Variants in BAIAP2 observed in about 807,000 individuals in gnomAD.
BAIAP2 encodes the protein BAR/IMD domain-containing adapter protein 2.
A neutral mutation model predicts 63.0 loss-of-function variants in BAIAP2; 18 were observed. The observed-to-expected ratio is 0.29, with a 90% CI of 0.20 to 0.42. BAIAP2 has a LOEUF of 0.42. BAIAP2 is among the 10% of genes least tolerant of loss of function. The pLI, the probability that BAIAP2 is intolerant of heterozygous loss-of-function variation, is 1.00. For missense variants in BAIAP2, 610 were observed against 734.3 expected, an observed-to-expected ratio of 0.83 and a Z score of 1.96; for synonymous variants, 386 against 307.6, an observed-to-expected ratio of 1.25 and a Z score of -2.67.
intron 3 of BAIAP2, among the ~76,000 whole-genome samples, chr17:81,075,747 C>G (rs1341606856): frequency 6.6e-6 from 1 of 152,212 alleles, no homozygotes; most frequent in Non-Finnish European, 1.5e-5. Flanking sequence ...ACTTAGAACA[C>G]TATGGCAGCC....
chr17:81,116,366 G>A lies in BAIAP2; in HGVS notation c.*527G>A. 1 of 1,598,306 alleles carries A rather than the reference G, an allele frequency of 6.3e-7. No homozygotes were observed. Among genetic ancestry groups the A allele is most frequent in the Non-Finnish European group, 8.5e-7 (1 of 1,171,178 alleles). ...CAGCTACACCTGGAGTGTGGGGCCTGGTCCCTCCCCATGCCCCTCGGTGGG... is the reference window on the plus strand; with the variant it reads ...CAGCTACACCTGGAGTGTGGGGCCTAGTCCCTCCCCATGCCCCTCGGTGGG... On this transcript the variant is annotated 3_prime_UTR_variant, in exon 14 of 14. Transcript: ENST00000428708.
intron 1 of BAIAP2, among the ~76,000 whole-genome samples, chr17:81,049,255 C>A (rs774893068): frequency 1.1e-4 from 16 of 152,138 alleles, no homozygotes; most frequent in Non-Finnish European, 2.2e-4. Context: ...GAACGTGGGC[C>A]CCTGGGGAGC....
At position 81,078,678 on chromosome 17, in the gene BAIAP2, G is replaced by A. The variant is rs552284181; in HGVS notation, c.218-6154G>A. Among the ~76,000 whole-genome samples the A allele has an allele frequency of 1.5e-4, 23 of 152,036 alleles. No homozygotes were observed. In the East Asian group the frequency reaches 3.1e-3, roughly 20 times the overall value. ...GTGCTGTGGGTGCGGGTGCTGTCTC[G>A]GGTGGGAGCTGGGCGTGTTTGCGGC... On this transcript the variant is annotated intron_variant, in intron 3 of 13. Transcript: ENST00000428708.
intron 1 of BAIAP2, among the ~76,000 whole-genome samples, chr17:81,049,976 GAGACGCCTGACC>G (rs771511411): frequency 6.6e-6 from 1 of 152,246 alleles, no homozygotes; most frequent in Admixed American, 6.5e-5. Context: ...GAGGCTCAGA[GAGACGCCTGACC>G]AGACGCCTGA....
chr17:81,094,201 T>G (rs1263397128), intron 6 of BAIAP2, among the ~76,000 whole-genome samples: 5 of 152,150 alleles, frequency 3.3e-5, no homozygotes, highest in African/African-American at 1.2e-4. Context: ...GCCAACCCTT[T>G]GCTGGCTCTT....
intron 1 of BAIAP2, among the ~76,000 whole-genome samples, chr17:81,040,534 G>A (rs1238518454): frequency 6.6e-6 from 1 of 152,282 alleles, no homozygotes; most frequent in Non-Finnish European, 1.5e-5. Context: ...GCAAGGGCTT[G>A]ATCTGTCCTG....
chr17:81,103,604 A>G lies in BAIAP2; in HGVS notation c.745A>G (p.Ser249Gly). 1 of 1,605,292 alleles carries G rather than the reference A, an allele frequency of 6.2e-7. No individual in the cohort carries two copies. The highest frequency in any genetic ancestry group is 2.2e-5 in the East Asian group (1 of 44,836). ...GGTGCAGCTCATGCAGCAGGTGGCC[A>G]GCAACGGCGCCACCCTCCCCAGCGC... is the stretch of plus-strand genomic sequence containing the variant. ...RAVQLMQQVASNGATLPSALS... is the reference protein window; with the variant it reads ...RAVQLMQQVAGNGATLPSALS... The change falls in exon 8 of 14, where the codon AGC (serine) becomes GGC (glycine). Residue 249 changes from serine to glycine, a missense_variant. Ser to Gly is a moderately conservative substitution (Grantham distance 56). Around this residue, in one of 5 missense-constraint regions of BAIAP2, gnomAD observed 389 missense variants for 455.6 expected, o/e 0.85. Coordinates refer to ENST00000428708, the MANE Select transcript of BAIAP2 (RefSeq NM_001144888.2).
chr17:81,078,684 G>C (rs1306893925), intron 3 of BAIAP2, among the ~76,000 whole-genome samples: 1 of 151,928 alleles, frequency 6.6e-6, no homozygotes, highest in Non-Finnish European at 1.5e-5. Context: ...TCTCGGGTGG[G>C]AGCTGGGCGT....
At position 81,085,424 on chromosome 17, in the gene BAIAP2, T is replaced by G. The variant is rs1481330844; in HGVS notation, c.280-230T>G. ...GCCGTTTGTTTCCCTTGTGGCTGTT[T>G]GGAGGCGAGATTGTCCGACGTTCCA... On this transcript the variant is annotated intron_variant, in intron 4 of 13. Coordinates refer to ENST00000428708, the MANE Select transcript of BAIAP2 (RefSeq NM_001144888.2). The G allele has an allele frequency of 5.9e-6, 4 of 674,150 alleles. 1 individual carries two copies. The highest frequency in any genetic ancestry group is 1.8e-5 in the African/African-American group (1 of 56,660). The allele number at this position is 674,150 out of a possible 1,614,324, so 41.8% of individuals were successfully genotyped here. A position where few individuals can be genotyped will look rare whatever the true frequency, so the allele number is the denominator to read the frequency against.
chr17:81,103,431 C>G (rs978471733), intron 7 of BAIAP2, 71 bp from the exon 8 acceptor site: 4 of 1,425,854 alleles, frequency 2.8e-6, no homozygotes, highest in Non-Finnish European at 3.8e-6. Context: ...AGGGAGGGCC[C>G]TCAGCGCTGT....
intron 13 of BAIAP2, chr17:81,109,988 C>T (rs542048778): frequency 4.4e-4 from 434 of 985,460 alleles, no homozygotes; most frequent in African/African-American, 4.7e-4. Context: ...TCTTCCTAAA[C>T]GCTCTCGTCT....
At chr17:81,095,894 A>G (rs1171265205) in intron 6 of BAIAP2, among the ~76,000 whole-genome samples, 1 of 152,156 alleles carries the variant, frequency 6.6e-6, no homozygotes, top group Admixed American at 6.5e-5. Context: ...TACCCTGCTA[A>G]TGAGGCCAGT....
At chr17:81,067,903 G>A (rs1226533271) in intron 3 of BAIAP2, among the ~76,000 whole-genome samples, 1 of 152,242 alleles carries the variant, frequency 6.6e-6, no homozygotes, top group Admixed American at 6.5e-5. Context: ...TGCTCCCTAG[G>A]GAGGGAAAGA....
chr17:81,054,146 CGTG>C (rs2049092113), intron 2 of BAIAP2, among the ~76,000 whole-genome samples: 1 of 57,128 alleles, frequency 1.8e-5, no homozygotes, highest in Non-Finnish European at 3.3e-5. Flanking sequence ...GCCCGGACCC[CGTG>C]GGGTGGGAGC....
rs747439747 is a variant in BAIAP2, at chr17:81,116,332, C to G, written c.*493C>G. 1.4e-5 allele frequency: 23 copies of G among 1,611,830 alleles called. No individual in the cohort carries two copies. The South Asian group carries it at 2.1e-4, about 15-fold the overall frequency. On this transcript the variant is annotated 3_prime_UTR_variant, in exon 14 of 14. Coordinates refer to ENST00000428708, the MANE Select transcript of BAIAP2 (RefSeq NM_001144888.2). ...CTTCCCGTAAGCACGTAATTCCCTGCAGGTCCGGCAGCTACACCTGGAGTG... is the reference window on the plus strand; with the variant it reads ...CTTCCCGTAAGCACGTAATTCCCTGGAGGTCCGGCAGCTACACCTGGAGTG...
chr17:81,104,938 G>GC lies in BAIAP2; in HGVS notation c.1268+224dup, dbSNP rs2058944460. The GC allele has an allele frequency of 5.5e-6, 3 of 543,454 alleles. No homozygotes were observed. In the African/African-American group the frequency reaches 5.7e-5, roughly 10 times the overall value. The allele number at this position is 543,454 out of a possible 1,614,324, so 33.7% of individuals were successfully genotyped here. A position where few individuals can be genotyped will look rare whatever the true frequency, so the allele number is the denominator to read the frequency against. ...GGGTCTTCGCCCCAACCACCTCCCT[G>GC]CAGGGGTCTTCCCCTACAGGAGGGA... is the stretch of plus-strand genomic sequence containing the variant. On this transcript the variant is annotated intron_variant, in intron 10 of 13. Transcript: ENST00000428708.
chr17:81,094,334 C>A (rs578257920), intron 6 of BAIAP2, among the ~76,000 whole-genome samples: 10 of 152,298 alleles, frequency 6.6e-5, no homozygotes, highest in Admixed American at 2.0e-4. Context: ...CATCCCAATA[C>A]CAAGCTGTGG....
At chr17:81,078,923 A>G (rs1235534377) in intron 3 of BAIAP2, among the ~76,000 whole-genome samples, 4 of 151,974 alleles carry the variant, frequency 2.6e-5, no homozygotes, top group African/African-American at 9.6e-5. Context: ...TCTCCCCTGC[A>G]AAGTGGGGTG....
At chr17:81,037,228 A>G (rs914033530) in intron 1 of BAIAP2, among the ~76,000 whole-genome samples, 5 of 152,262 alleles carry the variant, frequency 3.3e-5, no homozygotes, top group Admixed American at 2.6e-4. Context: ...TGATTTTCCC[A>G]AGTGAAGATG....
Sources: allele counts gnomAD v4.1 joint callset (sites outside exome capture counted in the v4.1 genomes callset), GRCh38; gene constraint gnomAD v4.1.1; regional missense constraint gnomAD v4.1.1; transcripts MANE v1.5; gene names NCBI Gene and HGNC (gene_info 2026-07-23, HGNC 2026-07-21).